XPR1: variants seen among roughly 807,000 people sequenced by gnomAD.
The protein encoded by XPR1 is solute carrier family 53 member 1.
In XPR1, 28 loss-of-function variants were observed where a neutral mutation model predicts 87.5. The observed-to-expected ratio is 0.32, with a 90% CI of 0.24 to 0.44. XPR1 has a LOEUF of 0.44. Among genes scored for constraint, XPR1 ranks in the 20% least tolerant of loss-of-function variants. XPR1 has a pLI of 1.00. For missense variants in XPR1, 559 were observed against 862.3 expected, an observed-to-expected ratio of 0.65 and a Z score of 4.41; for synonymous variants, 300 against 306.1, an observed-to-expected ratio of 0.98 and a Z score of 0.21.
intron 2 of XPR1, among the ~76,000 whole-genome samples, chr1:180,745,593 AG>A (rs35141455): frequency 6.6e-6 from 1 of 152,138 alleles, no homozygotes; most frequent in Non-Finnish European, 1.5e-5. Flanking sequence ...AAAGAAGAAA[AG>A]GGGGGGATGT....
chr1:180,782,226 T>G (rs1648969919), intron 2 of XPR1, among the ~76,000 whole-genome samples: 1 of 152,054 alleles, frequency 6.6e-6, no homozygotes, highest in African/African-American at 2.4e-5. Flanking sequence ...AGATTTGTAC[T>G]TATTTATGCT....
chr1:180,715,873 G>A (rs1288315869), intron 2 of XPR1, among the ~76,000 whole-genome samples: 2 of 151,988 alleles, frequency 1.3e-5, no homozygotes, highest in Non-Finnish European at 2.9e-5. Context: ...GGGTTTCTCC[G>A]TGTTGCTCAC....
chr1:180,725,504 A>G (rs1338082221), intron 2 of XPR1, among the ~76,000 whole-genome samples: 3 of 152,232 alleles, frequency 2.0e-5, no homozygotes, highest in South Asian at 2.1e-4. Flanking sequence ...AAACCTTTCT[A>G]GTATTGTTGT....
intron 2 of XPR1, among the ~76,000 whole-genome samples, chr1:180,752,915 G>T (rs988098826): frequency 4.6e-5 from 7 of 152,084 alleles, no homozygotes; most frequent in African/African-American, 1.7e-4. Context: ...ATTTTATATT[G>T]AAACATTAAG....
At chr1:180,774,400 T>C (rs535425049) in intron 2 of XPR1, among the ~76,000 whole-genome samples, 138 of 144,546 alleles carry the variant, frequency 9.5e-4, no homozygotes, top group African/African-American at 3.0e-3. Flanking sequence ...TTTTTTTTTT[T>C]TTTTTTTGAG....
intron 2 of XPR1, among the ~76,000 whole-genome samples, chr1:180,726,628 C>T (rs1377801643): frequency 1.3e-5 from 2 of 152,154 alleles, no homozygotes; most frequent in Non-Finnish European, 2.9e-5. Flanking sequence ...CTTTTTCACT[C>T]TCATTTTCTT....
chr1:180,674,284 A>C (rs1656290218), intron 1 of XPR1, among the ~76,000 whole-genome samples: 1 of 152,002 alleles, frequency 6.6e-6, no homozygotes, highest in Admixed American at 6.5e-5. Context: ...TTTGAGAGGG[A>C]GTCTCGCTGT....
At chr1:180,796,685 CA>C (rs1187320183) in intron 3 of XPR1, among the ~76,000 whole-genome samples, 3 of 152,124 alleles carry the variant, frequency 2.0e-5, no homozygotes, top group Admixed American at 2.0e-4. Flanking sequence ...GCATTATTTA[CA>C]TAGTTTAAAA....
At chr1:180,782,683 G>C (rs191260174) in intron 2 of XPR1, among the ~76,000 whole-genome samples, 63 of 152,048 alleles carry the variant, frequency 4.1e-4, no homozygotes, top group African/African-American at 1.4e-3. Flanking sequence ...TAAAGGCCCT[G>C]TCTCCAAATA....
At chr1:180,777,354 G>A (rs947638426) in intron 2 of XPR1, among the ~76,000 whole-genome samples, 32 of 152,152 alleles carry the variant, frequency 2.1e-4, no homozygotes, top group Non-Finnish European at 3.5e-4. Context: ...CTTCAAAAAT[G>A]TCTCATTGGT....
intron 2 of XPR1, among the ~76,000 whole-genome samples, chr1:180,771,183 A>G (rs1648499044): frequency 6.6e-6 from 1 of 152,206 alleles, no homozygotes; most frequent in Non-Finnish European, 1.5e-5. Flanking sequence ...TGAATATATA[A>G]CATTGATATT....
chr1:180,817,062 T>TA (rs1280731473), intron 7 of XPR1, among the ~76,000 whole-genome samples: 1 of 152,056 alleles, frequency 6.6e-6, no homozygotes, highest in Non-Finnish European at 1.5e-5. Context: ...ATATGTGTGT[T>TA]AATGCCTTAG....
rs181889051 is a variant in XPR1 at position 180,646,840 on chromosome 1, G to T, written c.69+14570G>T. Among the ~76,000 whole-genome samples, 79 of 152,314 alleles carry T rather than the reference G, an allele frequency of 5.2e-4. 1 individual carries two copies. The South Asian group carries it at 0.011, about 20-fold the overall frequency. ...AATAAGTGTTGGATTCTGACTTAAA[G>T]CCTGCCACCAGATGCAGCTGTACAA... is the stretch of plus-strand genomic sequence containing the variant. On this transcript the variant is annotated intron_variant, in intron 1 of 14. Transcript: ENST00000367590.
intron 2 of XPR1, among the ~76,000 whole-genome samples, chr1:180,728,572 A>G (rs1651772670): frequency 6.6e-6 from 1 of 152,212 alleles, no homozygotes; most frequent in Admixed American, 6.5e-5. Flanking sequence ...TGTATTTCAA[A>G]TAAGCTCCCA....
At chr1:180,848,212 ATTG>A (rs1332928727) in intron 11 of XPR1, among the ~76,000 whole-genome samples, 1 of 152,160 alleles carries the variant, frequency 6.6e-6, no homozygotes, top group African/African-American at 2.4e-5. Context: ...ACTGTATATT[ATTG>A]TTAACTGTAG....
intron 2 of XPR1, among the ~76,000 whole-genome samples, chr1:180,733,306 G>A (rs1401429401): frequency 6.6e-6 from 1 of 152,108 alleles, no homozygotes; most frequent in Non-Finnish European, 1.5e-5. Flanking sequence ...CCTCTACCCA[G>A]CACTTCCCTT....
intron 2 of XPR1, among the ~76,000 whole-genome samples, chr1:180,766,111 C>T (rs1648274319): frequency 1.3e-5 from 2 of 152,090 alleles, no homozygotes; most frequent in South Asian, 2.1e-4. Flanking sequence ...TTCCCTCCTG[C>T]CTCCCAATTT....
chr1:180,834,106 G>A (rs1397125522), intron 9 of XPR1, among the ~76,000 whole-genome samples: 2 of 148,676 alleles, frequency 1.3e-5, no homozygotes, highest in African/African-American at 5.0e-5. Context: ...TTTTTGAGAT[G>A]GAGCCTTGCT....
At chr1:180,706,813 T>C (rs187944971) in intron 2 of XPR1, among the ~76,000 whole-genome samples, 1 of 152,086 alleles carries the variant, frequency 6.6e-6, no homozygotes, top group African/African-American at 2.4e-5. Context: ...AGAGACAGGA[T>C]TTTACCATGT....
Sources: allele counts gnomAD v4.1 joint callset (sites outside exome capture counted in the v4.1 genomes callset), GRCh38; gene constraint gnomAD v4.1.1; transcripts MANE v1.5; gene names NCBI Gene and HGNC (gene_info 2026-07-23, HGNC 2026-07-21).